The following MGAT5 variants were observed in gnomAD, a reference collection of about 807,000 sequenced individuals.
MGAT5 encodes the protein alpha-1,6-mannosylglycoprotein 6-beta-N-acetylglucosaminyltransferase A.
In MGAT5, 30 loss-of-function variants were observed where a neutral mutation model predicts 94.3. The ratio of observed to expected loss-of-function variants is 0.32; its 90% CI spans 0.24 to 0.43. The LOEUF is 0.43. Ranked by LOEUF, MGAT5 falls within the 20% of genes least tolerant of loss-of-function variation. The pLI, the probability that MGAT5 is intolerant of heterozygous loss-of-function variation, is 1.00. For missense variants in MGAT5, 691 were observed against 905.5 expected (o/e 0.76, Z 3.04); for synonymous variants, 310 against 322.9 (o/e 0.96, Z 0.43).
At chr2:134,405,250 T>C (rs1683266384) in intron 11 of MGAT5, among the ~76,000 whole-genome samples, 1 of 152,250 alleles carries the variant, frequency 6.6e-6, no homozygotes, top group Non-Finnish European at 1.5e-5. Context: ...GATTGCAGCC[T>C]GAGTTAAAGA....
At chr2:134,221,237 G>A (rs752870514) in intron 1 of MGAT5, among the ~76,000 whole-genome samples, 3 of 152,236 alleles carry the variant, frequency 2.0e-5, no homozygotes, top group Non-Finnish European at 2.9e-5. Flanking sequence ...GAAGGCAGGA[G>A]ACATCAATCA....
At chr2:134,272,390 C>T (rs1368354339) in intron 2 of MGAT5, among the ~76,000 whole-genome samples, 2 of 150,150 alleles carry the variant, frequency 1.3e-5, no homozygotes, top group South Asian at 4.2e-4. Context: ...CCTTTTTGGG[C>T]AATGGGAGCA....
intron 1 of MGAT5, among the ~76,000 whole-genome samples, chr2:134,164,492 G>A (rs957806309): frequency 6.6e-6 from 1 of 152,138 alleles, no homozygotes; most frequent in Non-Finnish European, 1.5e-5. Context: ...AGGTGGGCCT[G>A]TGTGGGTGGT....
intron 9 of MGAT5, among the ~76,000 whole-genome samples, chr2:134,361,507 C>T (rs577385306): frequency 7.2e-5 from 11 of 152,234 alleles, no homozygotes; most frequent in East Asian, 3.9e-4. Context: ...GCACAAGATG[C>T]GGATGTTTGG....
intron 11 of MGAT5, among the ~76,000 whole-genome samples, chr2:134,406,042 AC>A (rs1683314622): frequency 1.3e-5 from 2 of 152,136 alleles, no homozygotes; most frequent in Non-Finnish European, 2.9e-5. Flanking sequence ...AGTCCAGCAA[AC>A]CCCAGGAGTG....
chr2:134,345,378 G>A (rs1461035300), intron 8 of MGAT5, among the ~76,000 whole-genome samples: 1 of 152,172 alleles, frequency 6.6e-6, no homozygotes, highest in Non-Finnish European at 1.5e-5. Context: ...AATATGTACA[G>A]TGTCATTTCT....
intron 10 of MGAT5, among the ~76,000 whole-genome samples, chr2:134,402,173 G>A (rs1164881013): frequency 6.6e-6 from 1 of 152,184 alleles, no homozygotes; most frequent in East Asian, 1.9e-4. Context: ...ACCCCAGCTT[G>A]TACAGTTTAG....
chr2:134,252,919 G>A (rs1356373752), upstream of MGAT5, among the ~76,000 whole-genome samples: 1 of 152,140 alleles, frequency 6.6e-6, no homozygotes, highest in East Asian at 1.9e-4. Flanking sequence ...CCTTTGCCAA[G>A]TTAATCACCT....
chr2:134,134,766 G>A (rs1168975034), intron 1 of MGAT5, among the ~76,000 whole-genome samples: 1 of 152,218 alleles, frequency 6.6e-6, no homozygotes, highest in Non-Finnish European at 1.5e-5. Context: ...GACCAGGGAT[G>A]CTAAACATCT....
At chr2:134,446,445 AG>A (rs751303363) in intron 15 of MGAT5, among the ~76,000 whole-genome samples, 5 of 152,116 alleles carry the variant, frequency 3.3e-5, no homozygotes, top group Non-Finnish European at 5.9e-5. Flanking sequence ...CCAAAAAAAA[AG>A]GTCATAAATA....
At chr2:134,266,462 C>T (rs1055726246) in intron 1 of MGAT5, among the ~76,000 whole-genome samples, 1 of 152,220 alleles carries the variant, frequency 6.6e-6, no homozygotes, top group Non-Finnish European at 1.5e-5. Context: ...CTCAGGTGAT[C>T]CGCCTGCCTC....
intron 1 of MGAT5, among the ~76,000 whole-genome samples, chr2:134,192,116 G>C (rs984148868): frequency 1.3e-5 from 2 of 150,290 alleles, no homozygotes; most frequent in Non-Finnish European, 3.0e-5. Flanking sequence ...CCTCGCGCGA[G>C]CGGGTTCCTG....
At chr2:134,266,007 A>G (rs1483864286) in intron 1 of MGAT5, among the ~76,000 whole-genome samples, 1 of 151,734 alleles carries the variant, frequency 6.6e-6, no homozygotes, top group East Asian at 2.0e-4. Flanking sequence ...ATCTCTACTA[A>G]AAATACAAAA....
At chr2:134,395,555 G>T (rs969771595) in intron 10 of MGAT5, among the ~76,000 whole-genome samples, 3 of 152,276 alleles carry the variant, frequency 2.0e-5, no homozygotes, top group Admixed American at 1.3e-4. Flanking sequence ...AAAAGCAAGG[G>T]TACATACTTA....
intron 8 of MGAT5, among the ~76,000 whole-genome samples, chr2:134,347,417 A>T (rs1688984027): frequency 6.6e-6 from 1 of 152,192 alleles, no homozygotes; most frequent in African/African-American, 2.4e-5. Flanking sequence ...TTAGGCCCTT[A>T]GCAGACAACT....
intron 4 of MGAT5, among the ~76,000 whole-genome samples, chr2:134,329,990 ACT>A (rs1491548530): frequency 6.6e-6 from 1 of 152,132 alleles, no homozygotes; most frequent in African/African-American, 2.4e-5. Flanking sequence ...CAGGGGGCTT[ACT>A]TTTTTTTAGT....
chr2:134,159,425 T>G (rs1687630012), intron 1 of MGAT5, among the ~76,000 whole-genome samples: 1 of 152,236 alleles, frequency 6.6e-6, no homozygotes, highest in Admixed American at 6.5e-5. Flanking sequence ...TAGTGCTTTA[T>G]ACCAGTCCAA....
intron 13 of MGAT5, among the ~76,000 whole-genome samples, chr2:134,426,515 A>G (rs1450128311): frequency 6.6e-6 from 1 of 152,182 alleles, no homozygotes; most frequent in African/African-American, 2.4e-5. Context: ...ACATAACTAA[A>G]TCTGTTCATC....
chr2:134,403,771 C>T (rs1462173518), intron 11 of MGAT5, among the ~76,000 whole-genome samples: 2 of 152,138 alleles, frequency 1.3e-5, no homozygotes, highest in African/African-American at 4.8e-5. Flanking sequence ...CCCAGCTAGT[C>T]TAAGTGTTGA....
Sources: gnomAD v4.1 joint callset for allele counts (sites outside exome capture counted in the v4.1 genomes callset) on GRCh38, gnomAD v4.1.1 for gene constraint, MANE v1.5 for transcripts, NCBI Gene and HGNC (gene_info 2026-07-23, HGNC 2026-07-21) for gene names.